The following DCST1 variants were observed in gnomAD, a reference collection of about 807,000 sequenced individuals.
DCST1 encodes the protein E3 ubiquitin-protein ligase DCST1.
DCST1 carries 78 observed loss-of-function variants against 89.1 expected under a neutral mutation model. The observed-to-expected ratio is 0.88, with a 90% confidence interval of 0.73 to 1.06. The LOEUF is 1.06. Ranked by LOEUF, DCST1 falls within the 50% of genes least tolerant of loss-of-function variation. DCST1 has a pLI of 0.00. For missense variants in DCST1, 900 were observed against 928.6 expected (o/e 0.97, Z 0.40); for synonymous variants, 364 against 371.9 (o/e 0.98, Z 0.24).
chr1:155,045,892 G>T lies in DCST1; in HGVS notation c.1173-1G>T, dbSNP rs570244195. ...AGACATCCCTGCCCATCCACCCACAGGTCTTTCTCCTACATGGACAGCTAT... is the reference window on the plus strand; with the variant it reads ...AGACATCCCTGCCCATCCACCCACATGTCTTTCTCCTACATGGACAGCTAT... On this transcript the variant is annotated splice_acceptor_variant, in intron 10 of 16. Transcript: ENST00000295542. LOFTEE classifies it high-confidence loss of function. 1 of 1,613,366 alleles carries T rather than the reference G, an allele frequency of 6.2e-7. No homozygotes were observed. The highest frequency in any genetic ancestry group is 8.5e-7 in the Non-Finnish European group (1 of 1,179,266).
chr1:155,034,727 G>T lies in DCST1; in HGVS notation c.262G>T (p.Gly88Cys), dbSNP rs755485103. 4 of 1,614,152 alleles carry T rather than the reference G, an allele frequency of 2.5e-6. No homozygotes were observed. Among genetic ancestry groups the T allele is most frequent in the Non-Finnish European group, 3.4e-6 (4 of 1,180,040 alleles). The change falls in exon 4 of 17, where the codon GGC becomes TGC. Residue 88 changes from glycine to cysteine, a missense_variant and splice_region_variant. Coordinates refer to ENST00000295542, the MANE Select transcript of DCST1 (RefSeq NM_152494.4). ...QKIMFLYSLV[G>C]LGAMGWGTSP... ...GATTATGTTCTTGTACAGCTTGGTG[G>T]GTTAGTGCTGGGCAAAAGCCAGGAA...
At chr1:155,050,466 C>T in intron 16 of DCST1, 151 bp from the exon 17 acceptor site, 1 of 1,070,804 alleles carries the variant, frequency 9.3e-7, no homozygotes, top group Non-Finnish European at 1.3e-6. Context: ...AGGGAGGCAC[C>T]CTCGCCCTCC....
chr1:155,047,354 G>A, intron 14 of DCST1, 42 bp downstream of exon 14: 2 of 1,555,442 alleles, frequency 1.3e-6, no homozygotes, highest in Non-Finnish European at 1.8e-6. Flanking sequence ...ATCGAGGGCG[G>A]TGGGGCAAGG....
chr1:155,049,095 G>A (rs1393109000), intron 16 of DCST1: 2 of 716,546 alleles, frequency 2.8e-6, no homozygotes, highest in South Asian at 1.5e-5. Flanking sequence ...GGTCAGGTGT[G>A]GGACTCCGGT....
At chr1:155,038,749 T>A (rs934926944) in intron 4 of DCST1, among the ~76,000 whole-genome samples, 14 of 152,188 alleles carry the variant, frequency 9.2e-5, no homozygotes, top group African/African-American at 3.1e-4. Context: ...ACTCCCTCCT[T>A]GGCTCCCACA....
chr1:155,041,360 A>C (rs920532377), intron 6 of DCST1, 37 bp from the exon 7 acceptor site: 5 of 1,608,308 alleles, frequency 3.1e-6, no homozygotes. Flanking sequence ...CTAAAGCCCC[A>C]GCCCTCACCC....
intron 16 of DCST1, among the ~76,000 whole-genome samples, chr1:155,049,468 G>A (rs1226215305): frequency 6.6e-6 from 1 of 150,442 alleles, no homozygotes; most frequent in African/African-American, 2.5e-5. Context: ...AGGCTGGAGT[G>A]CAGTGGCGTG....
At chr1:155,044,014 C>A (rs1162769869) in intron 10 of DCST1, among the ~76,000 whole-genome samples, 2 of 152,188 alleles carry the variant, frequency 1.3e-5, no homozygotes, top group African/African-American at 2.4e-5. Flanking sequence ...CTCTATTTCC[C>A]ATCTCCACTC....
At position 155,039,083 on chromosome 1, in the gene DCST1, G is replaced by C. The variant is rs1036778908; in HGVS notation, c.263-320G>C. On this transcript the variant is annotated intron_variant, in intron 4 of 16. Transcript: ENST00000295542. ...GCTCTCTCTGCTCCCTCAGCACCTA[G>C]GGTCAGTGTCACTGTAGCCCGGAAA... 2.6e-5 allele frequency among the ~76,000 whole-genome samples: 4 copies of C among 152,182 alleles called. No individual in the cohort carries two copies. The South Asian group carries it at 8.3e-4, about 32-fold the overall frequency.
Position 155,041,603 on chromosome 1 carries a change from G to C in DCST1, c.738G>C (p.Leu246=). 6.2e-7 allele frequency: 1 copy of C among 1,614,166 alleles called. No individual in the cohort carries two copies. The highest frequency in any genetic ancestry group is 1.1e-5 in the South Asian group (1 of 91,084). Residue 246 remains leucine, a synonymous_variant, in exon 7 of 17, where the codon CTG becomes CTC. Transcript: ENST00000295542. The part of the protein sequence containing the change: ...TQKMYELKTK[L]RCSYVVNQAI... Reference sequence around the variant, plus strand: ...AGATGTATGAGCTGAAGACCAAGCTGCGTTGCTCCTGTGAGGGGTATCCCT... The same window carrying C: ...AGATGTATGAGCTGAAGACCAAGCTCCGTTGCTCCTGTGAGGGGTATCCCT...
At chr1:155,034,221 T>A in intron 2 of DCST1, 124 bp downstream of exon 2, 1 of 1,525,736 alleles carries the variant, frequency 6.6e-7, no homozygotes, top group Non-Finnish European at 9.0e-7. Context: ...TCTGGTCTAG[T>A]GCCTCCCGCC....
At chr1:155,046,018 G>A (rs751347999) in intron 11 of DCST1, 26 bp downstream of exon 11, 19 of 1,612,544 alleles carry the variant, frequency 1.2e-5, no homozygotes, top group Admixed American at 5.0e-5. Flanking sequence ...ACTGCCCGGG[G>A]ATGCCTTGCT....
At chr1:155,040,878 C>T (rs1660419545) in intron 6 of DCST1, among the ~76,000 whole-genome samples, 1 of 152,200 alleles carries the variant, frequency 6.6e-6, no homozygotes, top group Admixed American at 6.5e-5. Flanking sequence ...GACAGCTGAA[C>T]TAGAATATCT....
chr1:155,049,929 G>A (rs1023775453), intron 16 of DCST1, among the ~76,000 whole-genome samples: 1 of 152,234 alleles, frequency 6.6e-6, no homozygotes, highest in Non-Finnish European at 1.5e-5. Flanking sequence ...AATGCGAAGT[G>A]CCAGGGCTAG....
chr1:155,048,135 G>A lies in DCST1; in HGVS notation c.1834G>A (p.Ala612Thr), dbSNP rs564509253. ...AGCCTTCACCAAACTCAGGAGGGCCGCTATCCTGAGGCGGGAGCGACAGCA... is the reference window on the plus strand; with the variant it reads ...AGCCTTCACCAAACTCAGGAGGGCCACTATCCTGAGGCGGGAGCGACAGCA... ...RAAFTKLRRA[A>T]ILRRERQQKA... The change falls in exon 16 of 17, where the codon GCT becomes ACT. Residue 612 changes from alanine to threonine, a missense_variant. Ala to Thr is a moderately conservative substitution (Grantham distance 58). Coordinates refer to ENST00000295542, the MANE Select transcript of DCST1 (RefSeq NM_152494.4). 29 of 1,614,026 alleles carry A rather than the reference G, an allele frequency of 1.8e-5. No homozygotes were observed. Among genetic ancestry groups the A allele is most frequent in the African/African-American group, 8.0e-5 (6 of 74,988 alleles).
rs779688952 is a variant in DCST1, at chr1:155,041,539, G to A, written c.674G>A (p.Arg225His). 58 of 1,613,872 alleles carry A rather than the reference G, an allele frequency of 3.6e-5. 1 individual carries two copies. The highest frequency in any genetic ancestry group is 3.3e-4 in the Middle Eastern group (2 of 6,084). Reference sequence around the variant, plus strand: ...GAGACAGCCCAGGGCAGGGAGGCCCGCCAAGCCCCAGCCTCCAGACTCCAC... The same window carrying A: ...GAGACAGCCCAGGGCAGGGAGGCCCACCAAGCCCCAGCCTCCAGACTCCAC... Reference protein sequence around the residue: ...SGETAQGREARQAPASRLHLS... With the variant: ...SGETAQGREAHQAPASRLHLS... Residue 225 changes from arginine to histidine, a missense_variant, in exon 7 of 17, where the codon CGC (arginine) becomes CAC (histidine). Transcript: ENST00000295542.
rs1313283964 is a variant in DCST1, at chr1:155,050,711, C to T, written c.1964C>T (p.Pro655Leu). The change falls in exon 17 of 17, where the codon CCC becomes CTC. Residue 655 changes from proline to leucine, a missense_variant. Pro to Leu is a moderately conservative substitution (Grantham distance 98). Transcript: ENST00000295542. ...RCVVCQAPET[P>L]ESYVCRTLDC... ...GTGGTGTGCCAGGCACCCGAGACGC[C>T]CGAGTCCTACGTGTGCCGGACGCTG... The T allele has an allele frequency of 6.2e-7, 1 of 1,608,540 alleles. No homozygotes were observed. The highest frequency in any genetic ancestry group is 1.1e-5 in the South Asian group (1 of 90,330).
At chr1:155,035,090 G>A (rs376007584) in intron 4 of DCST1, 5 of 248,002 alleles carry the variant, frequency 2.0e-5, no homozygotes, top group African/African-American at 1.1e-4. Flanking sequence ...AGCACTTACT[G>A]AGAATCTGCT....
rs189636223 is a variant in DCST1, at chr1:155,037,557, C to T, written c.263-1846C>T. 5.9e-5 allele frequency among the ~76,000 whole-genome samples: 9 copies of T among 151,944 alleles called. No homozygotes were observed. The East Asian group carries it at 1.7e-3, about 29-fold the overall frequency. On this transcript the variant is annotated intron_variant, in intron 4 of 16. Coordinates refer to ENST00000295542, the MANE Select transcript of DCST1 (RefSeq NM_152494.4). ...CTCCCGGGTTCAAGCAATTCTCCTG[C>T]CTCAAACTCCTGAGTAGCTGGGACT...
Sources: allele counts gnomAD v4.1 joint callset (sites outside exome capture counted in the v4.1 genomes callset), GRCh38; gene constraint gnomAD v4.1.1; transcripts MANE v1.5; gene names NCBI Gene and HGNC (gene_info 2026-07-23, HGNC 2026-07-21).